RCOR1: variants seen among roughly 807,000 people sequenced by gnomAD.
The protein encoded by RCOR1 is REST corepressor 1.
In RCOR1, 12 loss-of-function variants were observed where a neutral mutation model predicts 64.0. That is an observed-to-expected ratio of 0.19 (90% confidence interval 0.12 to 0.30). RCOR1 has a LOEUF of 0.30. Ranked by LOEUF, RCOR1 falls within the 10% of genes least tolerant of loss-of-function variation. The probability of loss-of-function intolerance (pLI) is 1.00; values close to 1 mark genes in which losing one functional copy is unlikely to be tolerated. For synonymous variants in RCOR1, 279 were observed against 227.2 expected, an observed-to-expected ratio of 1.23 and a Z score of -2.05; for missense variants, 502 against 621.2, an observed-to-expected ratio of 0.81 and a Z score of 2.04.
rs771574913 is a variant in RCOR1 at position 102,707,521 on chromosome 14, ATG to A, written c.660+10_660+11del. ...ATAGAATCCAACAAATGGTAAGTAG[ATG>A]AGACCACTGAGTTCTATTTTTTTTC... On this transcript the variant is annotated intron_variant, in intron 5 of 11. Transcript: ENST00000262241. The A allele has an allele frequency of 3.1e-5, 50 of 1,593,316 alleles. No individual in the cohort carries two copies. The highest frequency in any genetic ancestry group is 4.2e-5 in the Non-Finnish European group (49 of 1,172,790).
chr14:102,719,963 G>A (rs894102377), intron 8 of RCOR1, among the ~76,000 whole-genome samples: 11 of 152,110 alleles, frequency 7.2e-5, no homozygotes, highest in Non-Finnish European at 1.5e-4. Flanking sequence ...CTGGGTTTTC[G>A]GTAACTGAAA....
intron 2 of RCOR1, chr14:102,629,915 C>A: frequency 2.7e-6 from 2 of 748,138 alleles, no homozygotes; most frequent in Non-Finnish European, 3.3e-6. Context: ...TGGTAAGTGG[C>A]AGAACTCAGC....
intron 2 of RCOR1, among the ~76,000 whole-genome samples, 173 bp from the exon 3 acceptor site, chr14:102,681,721 GT>G (rs1471598868): frequency 5.3e-5 from 8 of 152,252 alleles, no homozygotes; most frequent in African/African-American, 1.9e-4. Context: ...AAGTAGAAAT[GT>G]TTCAGCAGAC....
At chr14:102,713,195 C>G (rs1215248693) in intron 7 of RCOR1, among the ~76,000 whole-genome samples, 2 of 151,210 alleles carry the variant, frequency 1.3e-5, no homozygotes, top group Non-Finnish European at 2.9e-5. Context: ...CTCAAGTGAT[C>G]CACCCACCTC....
intron 6 of RCOR1, among the ~76,000 whole-genome samples, chr14:102,708,858 T>C (rs1895907666): frequency 6.6e-6 from 1 of 152,212 alleles, no homozygotes. Context: ...TAAAAAAGAA[T>C]CTTTTATTTT....
chr14:102,693,226 C>T (rs1311928548), intron 3 of RCOR1, among the ~76,000 whole-genome samples: 1 of 152,098 alleles, frequency 6.6e-6, no homozygotes, highest in African/African-American at 2.4e-5. Context: ...TTCTTTTTCT[C>T]GGTCACTTAC....
intron 7 of RCOR1, among the ~76,000 whole-genome samples, chr14:102,714,179 G>A (rs972193219): frequency 4.6e-5 from 7 of 152,114 alleles, no homozygotes; most frequent in Non-Finnish European, 7.4e-5. Context: ...GGCTTGAAAC[G>A]ATAGAGTAAG....
chr14:102,653,933 TTCTTTCTTTC>T (rs1894650110), intron 2 of RCOR1, among the ~76,000 whole-genome samples: 1 of 29,932 alleles, frequency 3.3e-5, no homozygotes, highest in Admixed American at 3.8e-4. Context: ...CTTTCTTTCT[TTCTTTCTTTC>T]TTTCTTTCTT....
intron 8 of RCOR1, among the ~76,000 whole-genome samples, chr14:102,719,257 T>C (rs575076581): frequency 0.012 from 1,865 of 152,210 alleles, 19 homozygotes; most frequent in Admixed American, 0.019. Flanking sequence ...TCTTCTTCTT[T>C]TTTTAAAATT....
chr14:102,655,950 G>GTC (rs981872855), intron 2 of RCOR1: 12 of 482,852 alleles, frequency 2.5e-5, no homozygotes, highest in South Asian at 2.0e-4. Context: ...GAGACTTTTT[G>GTC]TCACACACAC....
At position 102,729,183 on chromosome 14, in the gene RCOR1, T is replaced by A. The variant is rs2140000024; in HGVS notation, c.*2677T>A. On this transcript the variant is annotated 3_prime_UTR_variant, in exon 12 of 12. Transcript: ENST00000262241. Reference sequence around the variant, plus strand: ...AGTGTCATTGATGCAAATAATAGTTTAACTTTTAGTTTAGAACTCCTAAAA... The same window carrying A: ...AGTGTCATTGATGCAAATAATAGTTAAACTTTTAGTTTAGAACTCCTAAAA... 1 of 152,824 alleles carries A rather than the reference T, an allele frequency of 6.5e-6. No homozygotes were observed. Among genetic ancestry groups the A allele is most frequent in the East Asian group, 1.9e-4 (1 of 5,196 alleles). The allele number at this position is 152,824 out of a possible 1,614,324, so 9.5% of individuals were successfully genotyped here.
chr14:102,721,505 C>T (rs1416117815), intron 10 of RCOR1, 128 bp downstream of exon 10: 1 of 551,284 alleles, frequency 1.8e-6, no homozygotes, highest in Admixed American at 3.3e-5. Flanking sequence ...GATCCATGAT[C>T]ACACCACTGC....
At chr14:102,677,580 T>C (rs368750085) in intron 2 of RCOR1, among the ~76,000 whole-genome samples, 3 of 108,232 alleles carry the variant, frequency 2.8e-5, no homozygotes, top group African/African-American at 4.0e-5. Flanking sequence ...GGGGCAGAGG[T>C]GCTCCCCACA....
chr14:102,659,400 A>G (rs143183334), intron 2 of RCOR1: 206 of 374,196 alleles, frequency 5.5e-4, no homozygotes, highest in African/African-American at 4.0e-3. Context: ...ATTAACAACA[A>G]TAAAAATTCA....
At chr14:102,709,627 G>A (rs1427769373) in intron 6 of RCOR1, among the ~76,000 whole-genome samples, 1 of 152,130 alleles carries the variant, frequency 6.6e-6, no homozygotes, top group Non-Finnish European at 1.5e-5. Flanking sequence ...CATCTCCAAA[G>A]CTCTTTTAAT....
chr14:102,622,680 C>G (rs992465756), intron 2 of RCOR1, among the ~76,000 whole-genome samples: 1 of 152,110 alleles, frequency 6.6e-6, no homozygotes, highest in African/African-American at 2.4e-5. Context: ...AATAGGCCAT[C>G]TCCTGATGAC....
At chr14:102,679,146 T>C (rs1015661876) in intron 2 of RCOR1, among the ~76,000 whole-genome samples, 3 of 152,202 alleles carry the variant, frequency 2.0e-5, no homozygotes, top group African/African-American at 7.2e-5. Flanking sequence ...AAAAAATGTT[T>C]GGTGGATTGT....
chr14:102,597,479 C>G (rs1363241405), intron 2 of RCOR1, among the ~76,000 whole-genome samples: 2 of 151,644 alleles, frequency 1.3e-5, no homozygotes, highest in Non-Finnish European at 2.9e-5. Flanking sequence ...CAGACGCACA[C>G]CACCACACCC....
chr14:102,619,104 A>ATCTGTCTG (rs71119723), intron 2 of RCOR1, among the ~76,000 whole-genome samples: 21,497 of 151,446 alleles, frequency 0.14, 2,006 homozygotes, highest in African/African-American at 0.26. Flanking sequence ...TAGCTAAAGG[A>ATCTGTCTG]TCTGTCTGTC....
Sources: allele counts gnomAD v4.1 joint callset (sites outside exome capture counted in the v4.1 genomes callset), GRCh38; gene constraint gnomAD v4.1.1; transcripts MANE v1.5; gene names NCBI Gene and HGNC (gene_info 2026-07-23, HGNC 2026-07-21).